GALNT17: variants seen among roughly 807,000 people sequenced by gnomAD.
The protein encoded by GALNT17 is polypeptide N-acetylgalactosaminyltransferase 17.
Under a neutral mutation model 63.7 loss-of-function variants are expected in GALNT17, and 29 were observed. The ratio of observed to expected loss-of-function variants is 0.46; its 90% CI spans 0.34 to 0.62. The LOEUF (loss-of-function observed/expected upper bound fraction) is 0.62. GALNT17 is among the 20% of genes least tolerant of loss of function. GALNT17 has a pLI of 0.01. For synonymous variants in GALNT17, 305 were observed against 318.3 expected (o/e 0.96, Z 0.45); for missense variants, 603 against 799.6 (o/e 0.75, Z 2.97).
intron 1 of GALNT17, among the ~76,000 whole-genome samples, chr7:71,167,689 TTTA>T (rs1413622971): frequency 6.6e-6 from 1 of 152,120 alleles, no homozygotes; most frequent in Non-Finnish European, 1.5e-5. Flanking sequence ...TATGTTTTGT[TTTA>T]TTATTTTTTT....
chr7:71,152,278 C>T (rs765392176), intron 1 of GALNT17, among the ~76,000 whole-genome samples: 21 of 151,946 alleles, frequency 1.4e-4, no homozygotes, highest in Non-Finnish European at 2.9e-4. Flanking sequence ...CCTTGGGCTG[C>T]GTTTACTTGC....
intron 5 of GALNT17, among the ~76,000 whole-genome samples, chr7:71,516,736 C>G (rs992057787): frequency 6.6e-6 from 1 of 152,146 alleles, no homozygotes; most frequent in Admixed American, 6.5e-5. Context: ...AAGCCTGTGC[C>G]ATGGATGCTC....
chr7:71,208,449 CTTTTT>C (rs11341410), intron 1 of GALNT17, among the ~76,000 whole-genome samples: 3 of 113,460 alleles, frequency 2.6e-5, no homozygotes, highest in Admixed American at 9.2e-5. Context: ...TTAATAAATG[CTTTTT>C]TTTTTTTTTT....
At chr7:71,295,649 A>C (rs1307086466) in intron 1 of GALNT17, among the ~76,000 whole-genome samples, 1 of 150,142 alleles carries the variant, frequency 6.7e-6, no homozygotes, top group Non-Finnish European at 1.5e-5. Context: ...TGTCTGGTAG[A>C]GTTCCATAGA....
chr7:71,263,704 A>T (rs1428078485), intron 1 of GALNT17, among the ~76,000 whole-genome samples: 1 of 151,848 alleles, frequency 6.6e-6, no homozygotes, highest in African/African-American at 2.4e-5. Context: ...CGGGCGGATC[A>T]CTAGGTCAGG....
chr7:71,569,568 C>T lies in GALNT17; in HGVS notation c.963-1717C>T, dbSNP rs186000684. Among the ~76,000 whole-genome samples, 29 of 152,228 alleles carry T rather than the reference C, an allele frequency of 1.9e-4. No individual in the cohort carries two copies. The East Asian group carries it at 4.1e-3, about 21-fold the overall frequency. ...TCCTGCATTAATTTGTTTGTTAGCT[C>T]GGCCAGAAGATGCATTGCATTTTCA... is the stretch of plus-strand genomic sequence containing the variant. On this transcript the variant is annotated intron_variant, in intron 5 of 10. Transcript: ENST00000333538.
intron 1 of GALNT17, among the ~76,000 whole-genome samples, chr7:71,320,408 G>GA (rs35775246): frequency 0.025 from 3,642 of 143,386 alleles, 132 homozygotes; most frequent in African/African-American, 0.084. Context: ...AGCTAATTTT[G>GA]AAAAAAAAAA....
intron 1 of GALNT17, among the ~76,000 whole-genome samples, chr7:71,134,945 G>A (rs984282352): frequency 7.0e-6 from 1 of 142,942 alleles, no homozygotes; most frequent in Non-Finnish European, 1.5e-5. Flanking sequence ...TCAAACTCCT[G>A]GGCTCAAGTC....
chr7:71,345,808 T>C (rs1181873810), intron 2 of GALNT17, among the ~76,000 whole-genome samples: 1 of 152,112 alleles, frequency 6.6e-6, no homozygotes, highest in Non-Finnish European at 1.5e-5. Context: ...GGAGCTTTTT[T>C]TATATGAATC....
At position 71,412,630 on chromosome 7, in the gene GALNT17, C is replaced by T. The variant is rs116231451; in HGVS notation, c.590-3259C>T. 3.3e-3 allele frequency among the ~76,000 whole-genome samples: 501 copies of T among 152,314 alleles called. 7 individuals are homozygous for T. Among genetic ancestry groups the T allele is most frequent in the African/African-American group, 0.012 (484 of 41,580 alleles). ...CTGACACCTCTGCCCTGTTTTCTCA[C>T]CTCCAGACCATTGTCGTGGTTCAGC... On this transcript the variant is annotated intron_variant, in intron 3 of 10. Transcript: ENST00000333538.
Position 71,525,603 on chromosome 7 carries a change from C to T in GALNT17, c.963-45682C>T, listed in dbSNP as rs191986750. ...TTCTCATTCTCTCTCTTGTCTGCCACCATGTAAGATGTGCCTTTTGCCTTC... is the reference window on the plus strand; with the variant it reads ...TTCTCATTCTCTCTCTTGTCTGCCATCATGTAAGATGTGCCTTTTGCCTTC... On this transcript the variant is annotated intron_variant, in intron 5 of 10. Transcript: ENST00000333538. 3.5e-3 allele frequency among the ~76,000 whole-genome samples: 525 copies of T among 151,698 alleles called. 3 individuals carry two copies. Among genetic ancestry groups the T allele is most frequent in the African/African-American group, 0.012 (488 of 41,366 alleles).
intron 2 of GALNT17, among the ~76,000 whole-genome samples, chr7:71,379,673 G>A (rs773143040): frequency 6.6e-6 from 1 of 152,144 alleles, no homozygotes; most frequent in Non-Finnish European, 1.5e-5. Context: ...GAGACAGGGT[G>A]GTGGCCTTCA....
chr7:71,465,919 C>T (rs981602002), intron 5 of GALNT17, among the ~76,000 whole-genome samples: 7 of 152,150 alleles, frequency 4.6e-5, no homozygotes, highest in Non-Finnish European at 8.8e-5. Context: ...GATGAAGTCT[C>T]ACATGGTAGC....
chr7:71,508,970 G>A (rs6961004), intron 5 of GALNT17, among the ~76,000 whole-genome samples: 3,842 of 152,164 alleles, frequency 0.025, 59 homozygotes, highest in African/African-American at 0.038. Context: ...GTGTGTCTGC[G>A]TACATACAGC....
rs528212033 is a variant in GALNT17 at position 71,701,725 on chromosome 7, G to GTATATA, written c.1501-9026_1501-9021dup. On this transcript the variant is annotated intron_variant, in intron 9 of 10. Transcript: ENST00000333538. Reference sequence around the variant, plus strand: ...ATGGGATAAAGAAAATGTGGTGTATGTATATATATATATATGTGTATATAT... The same window carrying GTATATA: ...ATGGGATAAAGAAAATGTGGTGTATGTATATATATATATATATATATGTGTATATAT... 2.1e-4 allele frequency among the ~76,000 whole-genome samples: 29 copies of GTATATA among 139,128 alleles called. 1 individual carries two copies. In the South Asian group the frequency reaches 2.3e-3, roughly 11 times the overall value. The allele number at this position is 139,128 out of a possible 152,430, so 91.3% of individuals were successfully genotyped here.
chr7:71,306,755 T>C (rs1562988668), intron 1 of GALNT17, among the ~76,000 whole-genome samples: 1 of 152,346 alleles, frequency 6.6e-6, no homozygotes, highest in East Asian at 1.9e-4. Context: ...CTACTGACTA[T>C]TGCAAATAGT....
intron 5 of GALNT17, among the ~76,000 whole-genome samples, chr7:71,562,790 A>G (rs907082366): frequency 6.6e-6 from 1 of 152,166 alleles, no homozygotes; most frequent in Admixed American, 6.6e-5. Context: ...CCTGGTATAG[A>G]GTAGCCAGGC....
chr7:71,198,231 A>G (rs1048526201), intron 1 of GALNT17, among the ~76,000 whole-genome samples: 10 of 151,436 alleles, frequency 6.6e-5, no homozygotes, highest in African/African-American at 2.4e-4. Flanking sequence ...GCAAATACCA[A>G]CTTCAAGTGG....
intron 8 of GALNT17, among the ~76,000 whole-genome samples, chr7:71,672,328 A>G (rs1009540349): frequency 6.6e-6 from 1 of 152,208 alleles, no homozygotes; most frequent in Admixed American, 6.5e-5. Flanking sequence ...AAATAATAAA[A>G]GAACCATGAG....
Sources: gnomAD v4.1 joint callset for allele counts (sites outside exome capture counted in the v4.1 genomes callset) on GRCh38, gnomAD v4.1.1 for gene constraint, MANE v1.5 for transcripts, NCBI Gene and HGNC (gene_info 2026-07-23, HGNC 2026-07-21) for gene names.